Variants in OLA1 observed in about 807,000 individuals in gnomAD.
OLA1 encodes the protein obg-like ATPase 1.
A neutral mutation model predicts 48.4 loss-of-function variants in OLA1; 14 were observed. That is an observed-to-expected ratio of 0.29 (90% CI 0.19 to 0.45). The LOEUF is 0.45. Among genes scored for constraint, OLA1 ranks in the 20% least tolerant of loss-of-function variants. The pLI is 1.00. For synonymous variants in OLA1, 127 were observed against 150.4 expected, an observed-to-expected ratio of 0.84 and a Z score of 1.14; for missense variants, 325 against 467.1, an observed-to-expected ratio of 0.70 and a Z score of 2.80.
At chr2:174,118,135 C>T (rs368809127) in intron 7 of OLA1, among the ~76,000 whole-genome samples, 14 of 152,268 alleles carry the variant, frequency 9.2e-5, no homozygotes, top group Middle Eastern at 3.4e-3. Context: ...CATGAGAACT[C>T]ACTCATTATC....
chr2:174,136,592 C>A (rs1686314989), intron 5 of OLA1, among the ~76,000 whole-genome samples: 1 of 152,094 alleles, frequency 6.6e-6, no homozygotes, highest in Non-Finnish European at 1.5e-5. Flanking sequence ...CTCTCAAAGT[C>A]ATCCATGTGG....
intron 8 of OLA1, 57 bp from the exon 9 acceptor site, chr2:174,081,305 G>C (rs1684848837): frequency 9.4e-6 from 12 of 1,270,964 alleles, no homozygotes; most frequent in Non-Finnish European, 1.1e-5. Context: ...CCAGAAATTG[G>C]TATAGAGCTA....
intron 4 of OLA1, among the ~76,000 whole-genome samples, chr2:174,179,874 T>G (rs144062433): frequency 2.0e-3 from 305 of 152,116 alleles, no homozygotes; most frequent in Middle Eastern, 0.01. Flanking sequence ...CACTTGCAAG[T>G]CACATAATGA....
intron 4 of OLA1, among the ~76,000 whole-genome samples, chr2:174,197,540 G>A (rs1687904905): frequency 6.6e-6 from 1 of 151,994 alleles, no homozygotes; most frequent in Admixed American, 6.6e-5. Flanking sequence ...AGCCCAGGGG[G>A]GAAAATTTTT....
chr2:174,231,594 A>G (rs1439548732), intron 2 of OLA1, among the ~76,000 whole-genome samples: 1 of 152,222 alleles, frequency 6.6e-6, no homozygotes, highest in Admixed American at 6.5e-5. Context: ...AAAACATATT[A>G]TATGGTAAAA....
At chr2:174,200,366 C>G (rs539658867) in intron 4 of OLA1, among the ~76,000 whole-genome samples, 1 of 152,000 alleles carries the variant, frequency 6.6e-6, no homozygotes, top group African/African-American at 2.4e-5. Context: ...TATAAAAATA[C>G]GTTTTTCTAG....
At chr2:174,135,827 G>C (rs1686297617) in intron 5 of OLA1, among the ~76,000 whole-genome samples, 1 of 152,206 alleles carries the variant, frequency 6.6e-6, no homozygotes, top group African/African-American at 2.4e-5. Context: ...ATACCTCAGA[G>C]ATACTGCAGG....
rs978972311 is a variant in OLA1, at chr2:174,201,420, C to T, written c.373+21613G>A. Among the ~76,000 whole-genome samples the T allele has an allele frequency of 2.0e-5, 3 of 152,186 alleles. No individual in the cohort carries two copies. In the South Asian group the frequency reaches 6.2e-4, roughly 32 times the overall value. On this transcript the variant is annotated intron_variant, in intron 4 of 10. Coordinates refer to ENST00000284719, the MANE Select transcript of OLA1 (RefSeq NM_013341.5). ...TGGCACAATCATGGCTCACTGCAGC[C>T]TCAAATTCCTGAGCTTGAGTGATCC...
rs1286688612 is a variant in OLA1 at position 174,163,779 on chromosome 2, T to TAA, written c.374-21781_374-21780dup. On this transcript the variant is annotated intron_variant, in intron 4 of 10. Coordinates refer to ENST00000284719, the MANE Select transcript of OLA1 (RefSeq NM_013341.5). ...ATATATATATATATATATATATAAA[T>TAA]AAATGTTTGGGTGCCTGCTTAGAAA... Among the ~76,000 whole-genome samples, 8 of 61,464 alleles carry TAA rather than the reference T, an allele frequency of 1.3e-4. 1 individual carries two copies. The highest frequency in any genetic ancestry group is 4.8e-4 in the South Asian group (1 of 2,102). 40.3% of individuals were successfully genotyped at this position (61,464 alleles called of 152,430 possible). A position where few individuals can be genotyped will look rare whatever the true frequency, so the allele number is the denominator to read the frequency against.
At chr2:174,104,854 G>T (rs1685479737) in intron 7 of OLA1, among the ~76,000 whole-genome samples, 3 of 151,858 alleles carry the variant, frequency 2.0e-5, no homozygotes, top group Admixed American at 2.0e-4. Context: ...CAGACACACA[G>T]GTCTATTGAA....
At chr2:174,142,135 A>G (rs1247690421) in intron 4 of OLA1, 135 bp from the exon 5 acceptor site, 8 of 764,038 alleles carry the variant, frequency 1.0e-5, no homozygotes, top group African/African-American at 9.1e-5. Context: ...CAAGTAGGAT[A>G]TAGCATTTTT....
intron 4 of OLA1, among the ~76,000 whole-genome samples, chr2:174,199,023 G>T (rs927786848): frequency 6.6e-6 from 1 of 152,002 alleles, no homozygotes; most frequent in Admixed American, 6.6e-5. Context: ...AATCAGTAAG[G>T]GCTATTAATT....
At chr2:174,245,126 C>G (rs1689098844) in intron 2 of OLA1, among the ~76,000 whole-genome samples, 1 of 152,182 alleles carries the variant, frequency 6.6e-6, no homozygotes, top group South Asian at 2.1e-4. Flanking sequence ...AACTTAACTT[C>G]CTTACTAGTG....
chr2:174,157,712 G>T (rs1293049545), intron 4 of OLA1, among the ~76,000 whole-genome samples: 1 of 151,966 alleles, frequency 6.6e-6, no homozygotes, highest in Non-Finnish European at 1.5e-5. Context: ...ATTTTTCTAA[G>T]ATATAGAAGG....
chr2:174,239,148 C>A (rs1688934748), intron 2 of OLA1, among the ~76,000 whole-genome samples: 1 of 152,080 alleles, frequency 6.6e-6, no homozygotes, highest in Non-Finnish European at 1.5e-5. Flanking sequence ...TTTTTAATCA[C>A]CATTTGGCAA....
intron 4 of OLA1, among the ~76,000 whole-genome samples, chr2:174,149,127 AG>A (rs1280202909): frequency 6.6e-6 from 1 of 152,188 alleles, no homozygotes; most frequent in African/African-American, 2.4e-5. Context: ...AACCCACTAT[AG>A]TCTGACATAT....
At chr2:174,084,248 G>T (rs1684919247) in intron 7 of OLA1, among the ~76,000 whole-genome samples, 1 of 152,184 alleles carries the variant, frequency 6.6e-6, no homozygotes, top group Non-Finnish European at 1.5e-5. Flanking sequence ...CAGTAAATGA[G>T]CACTGAGGTC....
At chr2:174,079,218 G>T (rs1287360895) in intron 9 of OLA1, 128 bp from the exon 10 acceptor site, 1 of 661,950 alleles carries the variant, frequency 1.5e-6, no homozygotes, top group Admixed American at 3.5e-5. Context: ...AAGATGTCAG[G>T]TATATAATTA....
chr2:174,213,908 AATT>A (rs1574555663), intron 4 of OLA1, among the ~76,000 whole-genome samples: 1 of 152,142 alleles, frequency 6.6e-6, no homozygotes, highest in African/African-American at 2.4e-5. Context: ...TATACTTAAA[AATT>A]ATTAAGTAGC....
Sources: gnomAD v4.1 joint callset for allele counts (sites outside exome capture counted in the v4.1 genomes callset) on GRCh38, gnomAD v4.1.1 for gene constraint, MANE v1.5 for transcripts, NCBI Gene and HGNC (gene_info 2026-07-23, HGNC 2026-07-21) for gene names.